Variants in NOL4 observed in about 807,000 individuals in gnomAD.
NOL4 encodes the protein nucleolar protein 4.
In NOL4, 17 loss-of-function variants were observed where a neutral mutation model predicts 75.9. That is an observed-to-expected ratio of 0.22 (90% confidence interval 0.15 to 0.34). The LOEUF (loss-of-function observed/expected upper bound fraction) is 0.34. Ranked by LOEUF, NOL4 falls within the 10% of genes least tolerant of loss-of-function variation. The pLI is 1.00. For missense variants in NOL4, 614 were observed against 793.5 expected, an observed-to-expected ratio of 0.77 and a Z score of 2.72; for synonymous variants, 292 against 289.9, an observed-to-expected ratio of 1.01 and a Z score of -0.07.
At chr18:34,182,053 T>C (rs994243257) in intron 1 of NOL4, among the ~76,000 whole-genome samples, 6 of 151,716 alleles carry the variant, frequency 4.0e-5, no homozygotes, top group African/African-American at 1.4e-4. Context: ...ATTCCATTCC[T>C]GGGTTTATAT....
At chr18:34,038,221 T>C (rs553696424) in intron 5 of NOL4, among the ~76,000 whole-genome samples, 5 of 152,060 alleles carry the variant, frequency 3.3e-5, no homozygotes, top group Admixed American at 3.3e-4. Context: ...GAATGGCTAT[T>C]ATAAAAAATA....
intron 1 of NOL4, among the ~76,000 whole-genome samples, chr18:34,162,085 C>T (rs1165519925): frequency 6.6e-6 from 1 of 152,120 alleles, no homozygotes; most frequent in Non-Finnish European, 1.5e-5. Context: ...CTCATTTCTG[C>T]CCACGCTAAA....
At chr18:33,891,837 T>C (rs2065113683) in intron 9 of NOL4, among the ~76,000 whole-genome samples, 1 of 152,176 alleles carries the variant, frequency 6.6e-6, no homozygotes, top group Non-Finnish European at 1.5e-5. Flanking sequence ...CTGCACTAAG[T>C]AGCCAGATAA....
At chr18:33,936,692 G>A (rs1469225585) in intron 9 of NOL4, among the ~76,000 whole-genome samples, 1 of 152,052 alleles carries the variant, frequency 6.6e-6, no homozygotes, top group Non-Finnish European at 1.5e-5. Flanking sequence ...GGTTTTATAT[G>A]ATCTTGTCTA....
intron 5 of NOL4, among the ~76,000 whole-genome samples, chr18:34,075,077 G>A (rs2077687105): frequency 6.6e-6 from 1 of 152,104 alleles, no homozygotes; most frequent in South Asian, 2.1e-4. Context: ...TTCCAAGAGT[G>A]AAAAAATTCT....
chr18:34,222,980 A>G lies in NOL4; in HGVS notation c.264+10T>C, dbSNP rs753633557. ...GGCAGACAAATAACAGAGGAAGGCG[A>G]GTCACTCACCGTGGTCTTGACAGGC... On this transcript the variant is annotated intron_variant, in intron 1 of 10. Transcript: ENST00000261592. The G allele has an allele frequency of 6.2e-7, 1 of 1,603,624 alleles. No homozygotes were observed. Among genetic ancestry groups the G allele is most frequent in the Non-Finnish European group, 8.5e-7 (1 of 1,179,350 alleles).
At chr18:33,956,552 A>C (rs1427620233) in intron 8 of NOL4, among the ~76,000 whole-genome samples, 1 of 152,162 alleles carries the variant, frequency 6.6e-6, no homozygotes, top group East Asian at 1.9e-4. Flanking sequence ...AAAATTTCGA[A>C]ACTGCTCACA....
chr18:33,879,178 G>A (rs1247395914), intron 10 of NOL4, among the ~76,000 whole-genome samples: 1 of 152,064 alleles, frequency 6.6e-6, no homozygotes, highest in East Asian at 1.9e-4. Context: ...ATATGAAACA[G>A]TGTAAAAACC....
At chr18:34,080,651 T>C (rs2077967190) in intron 5 of NOL4, among the ~76,000 whole-genome samples, 1 of 152,174 alleles carries the variant, frequency 6.6e-6, no homozygotes, top group South Asian at 2.1e-4. Context: ...TCATCCTTTT[T>C]TAAGAGATGG....
At chr18:34,213,081 G>C in intron 1 of NOL4, among the ~76,000 whole-genome samples, 1 of 152,136 alleles carries the variant, frequency 6.6e-6, no homozygotes, top group South Asian at 2.1e-4. Context: ...GGGGCCATCT[G>C]AGACTCATCC....
At chr18:33,978,055 T>C (rs1205106387) in intron 6 of NOL4, among the ~76,000 whole-genome samples, 1 of 152,144 alleles carries the variant, frequency 6.6e-6, no homozygotes, top group Non-Finnish European at 1.5e-5. Context: ...CTCAGTCACA[T>C]GGGCAAGGAA....
chr18:34,131,473 C>A, intron 1 of NOL4, among the ~76,000 whole-genome samples: 1 of 152,032 alleles, frequency 6.6e-6, no homozygotes, highest in East Asian at 1.9e-4. Context: ...GAATAACCAC[C>A]TTTCCTAGGC....
intron 1 of NOL4, among the ~76,000 whole-genome samples, chr18:34,147,531 T>G (rs1303750839): frequency 1.3e-5 from 2 of 152,148 alleles, no homozygotes; most frequent in Non-Finnish European, 2.9e-5. Context: ...TTGATTTGCG[T>G]ATGTTGAACC....
intron 9 of NOL4, among the ~76,000 whole-genome samples, chr18:33,885,210 T>TTTTC (rs2064563473): frequency 1.3e-5 from 2 of 152,122 alleles, no homozygotes; most frequent in Non-Finnish European, 2.9e-5. Context: ...ATTAATTGAC[T>TTTTC]GAAATTGGTG....
chr18:34,213,326 G>A (rs1315464845), intron 1 of NOL4, among the ~76,000 whole-genome samples: 1 of 152,154 alleles, frequency 6.6e-6, no homozygotes, highest in African/African-American at 2.4e-5. Context: ...GTCTCACTCT[G>A]TCACCCAGGC....
rs949943403 is a variant in NOL4, at chr18:34,164,956, C to T, written c.265-34936G>A. Among the ~76,000 whole-genome samples the T allele has an allele frequency of 3.3e-5, 5 of 151,930 alleles. No individual in the cohort carries two copies. In the East Asian group the frequency reaches 5.8e-4, roughly 18 times the overall value. Reference sequence around the variant, plus strand: ...GTCCTTTGTAGGGACATGGATGAAACTGGAAGTCATCATTCTCAGTAAACT... The same window carrying T: ...GTCCTTTGTAGGGACATGGATGAAATTGGAAGTCATCATTCTCAGTAAACT... On this transcript the variant is annotated intron_variant, in intron 1 of 10. Transcript: ENST00000261592.
chr18:33,964,372 C>T (rs1043102721), intron 6 of NOL4, among the ~76,000 whole-genome samples: 1 of 151,680 alleles, frequency 6.6e-6, no homozygotes, highest in Admixed American at 6.6e-5. Context: ...AATGATCTAG[C>T]ACTGTGTGTC....
intron 9 of NOL4, among the ~76,000 whole-genome samples, chr18:33,901,138 T>C (rs1310643750): frequency 6.6e-6 from 1 of 152,210 alleles, no homozygotes; most frequent in African/African-American, 2.4e-5. Context: ...CTGATTATTT[T>C]ATATTTGCCT....
intron 6 of NOL4, among the ~76,000 whole-genome samples, chr18:34,018,915 T>C (rs1404130653): frequency 6.6e-6 from 1 of 152,160 alleles, no homozygotes; most frequent in Non-Finnish European, 1.5e-5. Context: ...AGAATTTAAT[T>C]GAAACTTTAT....
Sources: allele counts gnomAD v4.1 joint callset (sites outside exome capture counted in the v4.1 genomes callset), GRCh38; gene constraint gnomAD v4.1.1; transcripts MANE v1.5; gene names NCBI Gene and HGNC (gene_info 2026-07-23, HGNC 2026-07-21).